Variants in ZBTB7C observed in about 807,000 individuals in gnomAD.
ZBTB7C encodes zinc finger and BTB domain containing 7C.
ZBTB7C carries 8 observed loss-of-function variants against 25.7 expected under a neutral mutation model. The ratio of observed to expected loss-of-function variants is 0.31; its 90% CI spans 0.18 to 0.56. ZBTB7C has a LOEUF of 0.56. Among genes scored for constraint, ZBTB7C ranks in the 20% least tolerant of loss-of-function variants. ZBTB7C has a pLI of 0.91. For synonymous variants in ZBTB7C, 394 were observed against 369.0 expected (o/e 1.07, Z -0.78); for missense variants, 824 against 855.2 (o/e 0.96, Z 0.46).
At chr18:48,114,293 C>T (rs889734383) in intron 3 of ZBTB7C, among the ~76,000 whole-genome samples, 7 of 152,088 alleles carry the variant, frequency 4.6e-5, no homozygotes, top group East Asian at 1.9e-4. Context: ...GACATGAGCT[C>T]CAGGAGACAC....
chr18:48,185,367 C>T (rs1295158388), intron 3 of ZBTB7C: 1 of 439,270 alleles, frequency 2.3e-6, no homozygotes, highest in Non-Finnish European at 4.5e-6. Flanking sequence ...GTCTTCTCTT[C>T]CTGAACTGGA....
Position 48,078,603 on chromosome 18 carries a change from C to T in ZBTB7C, c.-16-37480G>A, listed in dbSNP as rs551422037. 2.6e-5 allele frequency among the ~76,000 whole-genome samples: 4 copies of T among 152,194 alleles called. No homozygotes were observed. In the South Asian group the frequency reaches 8.3e-4, roughly 32 times the overall value. On this transcript the variant is annotated intron_variant, in intron 3 of 4. Coordinates refer to ENST00000590800, the MANE Select transcript of ZBTB7C (RefSeq NM_001318841.2). ...CCAAGGGTTGTGGTGAGCACTGCCC[C>T]GACTAACTGAAAGCTACAGGAGAAC...
chr18:48,038,994 A>G (rs1348826130), intron 4 of ZBTB7C, among the ~76,000 whole-genome samples: 1 of 152,252 alleles, frequency 6.6e-6, no homozygotes, highest in Non-Finnish European at 1.5e-5. Context: ...AGGCCTAGCC[A>G]AAGCTGGCAG....
At chr18:48,266,509 C>T (rs1162232042) in intron 2 of ZBTB7C, among the ~76,000 whole-genome samples, 1 of 152,242 alleles carries the variant, frequency 6.6e-6, no homozygotes, top group African/African-American at 2.4e-5. Context: ...ACTTGACCTG[C>T]ATTCTAGCAC....
intron 3 of ZBTB7C, among the ~76,000 whole-genome samples, chr18:48,161,246 G>A (rs890304269): frequency 3.3e-5 from 5 of 152,096 alleles, no homozygotes; most frequent in African/African-American, 4.8e-5. Flanking sequence ...CAGGGAAAGA[G>A]AAAGAGCACG....
chr18:48,228,743 TCTCTCA>T (rs974982184), intron 2 of ZBTB7C, among the ~76,000 whole-genome samples: 32 of 135,932 alleles, frequency 2.4e-4, no homozygotes, highest in East Asian at 1.1e-3. Flanking sequence ...TCTCTCTCTC[TCTCTCA>T]CACACACACA....
chr18:48,108,343 G>A (rs1321803139), intron 3 of ZBTB7C, among the ~76,000 whole-genome samples: 1 of 152,108 alleles, frequency 6.6e-6, no homozygotes, highest in Non-Finnish European at 1.5e-5. Flanking sequence ...GAGGCGAGTG[G>A]GAGGATCAGC....
intron 2 of ZBTB7C, among the ~76,000 whole-genome samples, chr18:48,271,048 A>C (rs2044471751): frequency 6.6e-6 from 1 of 152,224 alleles, no homozygotes; most frequent in South Asian, 2.1e-4. Flanking sequence ...TCTCAAGAAG[A>C]AATAAAAACC....
chr18:48,141,020 G>A (rs2040326048), intron 3 of ZBTB7C, among the ~76,000 whole-genome samples: 1 of 152,052 alleles, frequency 6.6e-6, no homozygotes, highest in Non-Finnish European at 1.5e-5. Context: ...CTTAAAACAG[G>A]CATCTGGTCC....
At chr18:48,240,474 C>T (rs2043494419) in intron 2 of ZBTB7C, among the ~76,000 whole-genome samples, 1 of 152,092 alleles carries the variant, frequency 6.6e-6, no homozygotes, top group Admixed American at 6.5e-5. Flanking sequence ...TAAAAGAAAA[C>T]CTATCAGACT....
intron 1 of ZBTB7C, among the ~76,000 whole-genome samples, chr18:48,351,573 C>T (rs962585258): frequency 1.2e-4 from 18 of 152,178 alleles, no homozygotes; most frequent in African/African-American, 3.1e-4. Context: ...TTTCCAATGG[C>T]CCAGCTGCAC....
At chr18:48,096,680 A>T (rs986313496) in intron 3 of ZBTB7C, among the ~76,000 whole-genome samples, 6 of 152,176 alleles carry the variant, frequency 3.9e-5, no homozygotes, top group Non-Finnish European at 8.8e-5. Context: ...ACTTTCGGTC[A>T]TAAGTCTGAA....
At chr18:48,300,134 T>A in intron 2 of ZBTB7C, among the ~76,000 whole-genome samples, 1 of 152,292 alleles carries the variant, frequency 6.6e-6, no homozygotes. Context: ...AGGTTCTAAC[T>A]TCATTCTGTA....
Position 48,071,625 on chromosome 18 carries a change from C to T in ZBTB7C, c.-16-30502G>A, listed in dbSNP as rs541813179. 7.9e-5 allele frequency among the ~76,000 whole-genome samples: 12 copies of T among 152,254 alleles called. 1 individual carries two copies. Among genetic ancestry groups the T allele is most frequent in the Admixed American group, 6.5e-4 (10 of 15,294 alleles). ...GACATGGAATTACCATAGGATCCAG[C>T]AATTCTACTTTTGAGTACATAATCA... On this transcript the variant is annotated intron_variant, in intron 3 of 4. Coordinates refer to ENST00000590800, the MANE Select transcript of ZBTB7C (RefSeq NM_001318841.2).
chr18:48,410,340 G>A (rs9961317), upstream of ZBTB7C, among the ~76,000 whole-genome samples: 18,523 of 152,140 alleles, frequency 0.12, 2,138 homozygotes, highest in African/African-American at 0.31. Flanking sequence ...ACACGCCGGG[G>A]AGCAGCCGCT....
intron 3 of ZBTB7C, among the ~76,000 whole-genome samples, chr18:48,157,926 C>G (rs2040886439): frequency 6.6e-6 from 1 of 152,110 alleles, no homozygotes; most frequent in African/African-American, 2.4e-5. Flanking sequence ...CACTCAATAT[C>G]AACTAAGGGT....
In ZBTB7C at chr18:48,040,867, G is replaced by T. The variant is rs1255594708; in HGVS notation, c.241C>A (p.Gln81Lys). ...AGGATAGCAGCCAGAGCCTCAGGCT[G>T]GACAAAGTCGATCTCATAGACGTAG... The part of the protein sequence containing the change: ...QPYVYEIDFV[Q>K]PEALAAILEF... Residue 81 changes from glutamine (Q) to lysine (K), a missense_variant, in exon 4 of 5, where the codon CAG becomes AAG. By Grantham distance (53) the Gln-to-Lys change is moderately conservative. Around this residue, in one of 4 missense-constraint regions of ZBTB7C, gnomAD observed 117 missense variants for 167.7 expected, o/e 0.70. Transcript: ENST00000590800. 6.2e-7 allele frequency: 1 copy of T among 1,614,152 alleles called. No individual in the cohort carries two copies. The highest frequency in any genetic ancestry group is 1.1e-5 in the South Asian group (1 of 91,074).
chr18:48,215,142 C>G (rs2042791929), intron 2 of ZBTB7C, among the ~76,000 whole-genome samples: 1 of 152,186 alleles, frequency 6.6e-6, no homozygotes, highest in Non-Finnish European at 1.5e-5. Flanking sequence ...AATAATCCTG[C>G]TCATGGAATC....
At chr18:48,268,189 C>T (rs530176082) in intron 2 of ZBTB7C, among the ~76,000 whole-genome samples, 28 of 152,296 alleles carry the variant, frequency 1.8e-4, no homozygotes, top group East Asian at 1.2e-3. Flanking sequence ...TCCAACGGCA[C>T]GCTTTTCATA....
Sources: allele counts gnomAD v4.1 joint callset (sites outside exome capture counted in the v4.1 genomes callset), GRCh38; gene constraint gnomAD v4.1.1; regional missense constraint gnomAD v4.1.1; transcripts MANE v1.5; gene names NCBI Gene and HGNC (gene_info 2026-07-23, HGNC 2026-07-21).